Variants in ZZZ3 observed in about 807,000 individuals in gnomAD.
ZZZ3 encodes zinc finger ZZ-type containing 3.
In ZZZ3, 22 loss-of-function variants were observed where a neutral mutation model predicts 95.2. That is an observed-to-expected ratio of 0.23 (90% confidence interval 0.17 to 0.33). The LOEUF (loss-of-function observed/expected upper bound fraction) is 0.33. Ranked by LOEUF, ZZZ3 falls within the 10% of genes least tolerant of loss-of-function variation. The pLI, the probability that ZZZ3 is intolerant of heterozygous loss-of-function variation, is 1.00. For synonymous variants in ZZZ3, 335 were observed against 358.9 expected, an observed-to-expected ratio of 0.93 and a Z score of 0.75; for missense variants, 885 against 1,066.5, an observed-to-expected ratio of 0.83 and a Z score of 2.37.
chr1:77,675,048 G>A (rs1353293712), intron 1 of ZZZ3, among the ~76,000 whole-genome samples: 1 of 151,730 alleles, frequency 6.6e-6, no homozygotes, highest in Non-Finnish European at 1.5e-5. Context: ...TTGGGGTGGA[G>A]AGTGGAGAGT....
chr1:77,659,687 A>G (rs577820265), intron 1 of ZZZ3, among the ~76,000 whole-genome samples: 177 of 147,724 alleles, frequency 1.2e-3, no homozygotes, highest in African/African-American at 4.2e-3. Context: ...CTCCATCTCA[A>G]AAAAAAAAAA....
Position 77,632,253 on chromosome 1 carries a change from A to T in ZZZ3, c.1102T>A (p.Leu368Ile). The T allele has an allele frequency of 6.2e-7, 1 of 1,614,024 alleles. No homozygotes were observed. The change falls in exon 5 of 15, where the codon TTA becomes ATA. Residue 368 changes from leucine (L) to isoleucine (I), a missense_variant. Physicochemically the swap from Leu to Ile is conservative, Grantham distance 5. Transcript: ENST00000370801. ...TAACGATGTTCTTGAGGTTCTGATA[A>T]AGACATCATTTGAGCTGAAACACAG... is the stretch of plus-strand genomic sequence containing the variant. ...LDCVSAQMMS[L>I]SEPQEHRYTL...
chr1:77,662,918 A>G (rs1670934066), intron 1 of ZZZ3, among the ~76,000 whole-genome samples: 1 of 152,192 alleles, frequency 6.6e-6, no homozygotes, highest in Admixed American at 6.5e-5. Flanking sequence ...CAGCCTGGAT[A>G]ATATAGTGAC....
chr1:77,569,407 T>C (rs571731751), intron 12 of ZZZ3, among the ~76,000 whole-genome samples: 1 of 152,280 alleles, frequency 6.6e-6, no homozygotes, highest in South Asian at 2.1e-4. Flanking sequence ...AGGTATAAAG[T>C]CTATTTATGA....
chr1:77,581,784 G>T lies in ZZZ3; in HGVS notation c.1900C>A (p.Arg634Ser). 6.2e-7 allele frequency: 1 copy of T among 1,611,700 alleles called. No homozygotes were observed. The highest frequency in any genetic ancestry group is 1.1e-5 in the South Asian group (1 of 90,586). ...LSDGPEGSSS[R>S]PQMIRGRLCD... ...TATTTCACACTGCTTACCTGAGGAC[G>T]ACTGCTTGAGCCTTCTGGACCATCA... The change falls in exon 8 of 15, where the codon CGT (arginine) becomes AGT (serine). Residue 634 changes from arginine (R) to serine (S), a missense_variant. Arg to Ser is a moderately radical substitution (Grantham distance 110). Around this residue, in one of 5 missense-constraint regions of ZZZ3, gnomAD observed 99 missense variants for 119.8 expected, o/e 0.83. Transcript: ENST00000370801.
At chr1:77,644,608 A>T (rs2100923885) in intron 1 of ZZZ3, among the ~76,000 whole-genome samples, 1 of 152,282 alleles carries the variant, frequency 6.6e-6, no homozygotes, top group South Asian at 2.1e-4. Flanking sequence ...TGTCATCAAT[A>T]ATTATTTCGC....
chr1:77,568,454 T>C lies in ZZZ3; in HGVS notation c.2344A>G (p.Ile782Val). ...GGTAAATTCCTATACATGATAGGAA[T>C]ACTTTCGTCATCCTATCAAAAAAAA... ...AVEDASDDES[I>V]PIMYRNLPEY... is the part of the protein sequence containing the mutation. The change falls in exon 13 of 15, where the codon ATT becomes GTT. Residue 782 changes from isoleucine to valine, a missense_variant. By Grantham distance (29) the Ile-to-Val change is conservative. Coordinates refer to ENST00000370801, the MANE Select transcript of ZZZ3 (RefSeq NM_015534.6). The C allele has an allele frequency of 2.6e-6, 3 of 1,175,366 alleles. No individual in the cohort carries two copies. Among genetic ancestry groups the C allele is most frequent in the Non-Finnish European group, 3.5e-6 (3 of 855,760 alleles). The allele number at this position is 1,175,366 out of a possible 1,614,324, so 72.8% of individuals were successfully genotyped here.
chr1:77,605,002 G>A (rs1283298292), intron 5 of ZZZ3, among the ~76,000 whole-genome samples: 2 of 152,070 alleles, frequency 1.3e-5, no homozygotes, highest in African/African-American at 4.8e-5. Context: ...AGGCTCCACC[G>A]ATGGTCCCCC....
intron 1 of ZZZ3, among the ~76,000 whole-genome samples, chr1:77,643,664 GTAC>G (rs1226581906): frequency 1.3e-5 from 2 of 152,108 alleles, no homozygotes; most frequent in Admixed American, 6.6e-5. Context: ...CTTAACACTG[GTAC>G]TACTGTGTTA....
chr1:77,655,925 CA>C (rs1670233943), intron 1 of ZZZ3, among the ~76,000 whole-genome samples: 1 of 152,178 alleles, frequency 6.6e-6, no homozygotes, highest in Non-Finnish European at 1.5e-5. Context: ...ATTGGACTAG[CA>C]AGACTGATTC....
intron 1 of ZZZ3, among the ~76,000 whole-genome samples, chr1:77,672,231 T>C (rs1323828757): frequency 6.6e-6 from 1 of 152,174 alleles, no homozygotes; most frequent in African/African-American, 2.4e-5. Context: ...TCTAGTAAAT[T>C]CCCTGATAGG....
chr1:77,680,757 G>A (rs1167742080), intron 1 of ZZZ3, among the ~76,000 whole-genome samples: 2 of 152,004 alleles, frequency 1.3e-5, no homozygotes, highest in Admixed American at 1.3e-4. Flanking sequence ...TAAAACGTCT[G>A]AAAAACTCCT....
intron 11 of ZZZ3, among the ~76,000 whole-genome samples, chr1:77,577,265 C>T (rs1024117604): frequency 3.9e-5 from 6 of 152,142 alleles, no homozygotes; most frequent in Admixed American, 1.3e-4. Flanking sequence ...AACACATGTA[C>T]GTTCTCCAGT....
intron 8 of ZZZ3, 46 bp from the exon 9 acceptor site, chr1:77,581,115 TA>T: frequency 7.2e-7 from 1 of 1,389,346 alleles, no homozygotes; most frequent in South Asian, 1.2e-5. Context: ...TAACAACACC[TA>T]TCCTTTGATA....
intron 12 of ZZZ3, among the ~76,000 whole-genome samples, chr1:77,574,116 A>T (rs987636872): frequency 6.7e-6 from 1 of 148,216 alleles, no homozygotes; most frequent in Non-Finnish European, 1.5e-5. Flanking sequence ...ATAGATATAG[A>T]TATATATATA....
At chr1:77,597,958 G>A (rs535674781) in intron 5 of ZZZ3, among the ~76,000 whole-genome samples, 3 of 152,198 alleles carry the variant, frequency 2.0e-5, no homozygotes, top group South Asian at 2.1e-4. Flanking sequence ...AGGAAATTGG[G>A]TATAGAGTAT....
intron 1 of ZZZ3, among the ~76,000 whole-genome samples, chr1:77,678,980 T>C (rs1019320039): frequency 2.0e-5 from 3 of 152,190 alleles, no homozygotes; most frequent in Non-Finnish European, 2.9e-5. Context: ...AAAGTGATAT[T>C]CTCCTCAAGG....
At chr1:77,597,505 C>G (rs531479974) in intron 5 of ZZZ3, among the ~76,000 whole-genome samples, 2 of 152,152 alleles carry the variant, frequency 1.3e-5, no homozygotes, top group East Asian at 3.9e-4. Flanking sequence ...AGAAACCTGA[C>G]CAACACTACC....
At position 77,644,255 on chromosome 1, in the gene ZZZ3, G is replaced by A. The variant is rs531430207; in HGVS notation, c.-402-2600C>T. Among the ~76,000 whole-genome samples, 273 of 151,894 alleles carry A rather than the reference G, an allele frequency of 1.8e-3. 2 individuals are homozygous for A. The highest frequency in any genetic ancestry group is 3.8e-3 in the South Asian group (18 of 4,796). ...TAATTTTTGTACTTTTAGTAGAGAT[G>A]GGGTTTTGCCATGTTGGCCAGGCTG... is the stretch of plus-strand genomic sequence containing the variant. On this transcript the variant is annotated intron_variant, in intron 1 of 14. Coordinates refer to ENST00000370801, the MANE Select transcript of ZZZ3 (RefSeq NM_015534.6).
Sources: gnomAD v4.1 joint callset for allele counts (sites outside exome capture counted in the v4.1 genomes callset) on GRCh38, gnomAD v4.1.1 for gene constraint, gnomAD v4.1.1 regional missense constraint, MANE v1.5 for transcripts, NCBI Gene and HGNC (gene_info 2026-07-23, HGNC 2026-07-21) for gene names.